FBXO34: variants seen among roughly 807,000 people sequenced by gnomAD.
FBXO34 encodes the protein F-box protein 34.
Under a neutral mutation model 24.5 loss-of-function variants are expected in FBXO34, and 12 were observed. The observed-to-expected ratio is 0.49, with a 90% CI of 0.31 to 0.79. The LOEUF (loss-of-function observed/expected upper bound fraction) is 0.79. Ranked by LOEUF, FBXO34 falls within the 30% of genes least tolerant of loss-of-function variation. FBXO34 has a pLI of 0.04. For synonymous variants in FBXO34, 320 were observed against 311.9 expected (o/e 1.03, Z -0.27); for missense variants, 823 against 857.7 (o/e 0.96, Z 0.51).
chr14:55,280,409 ACT>A (rs1376400671), intron 1 of FBXO34, among the ~76,000 whole-genome samples: 1 of 151,856 alleles, frequency 6.6e-6, no homozygotes, highest in African/African-American at 2.4e-5. Flanking sequence ...GTACAGCATA[ACT>A]CTTTACATAG....
At chr14:55,398,189 G>A in the FBXO34 span, among the ~76,000 whole-genome samples, 1 of 152,036 alleles carries the variant, frequency 6.6e-6, no homozygotes, top group East Asian at 1.9e-4. Context: ...CTGACCTGGT[G>A]GTCTGCCCGC....
the FBXO34 span, among the ~76,000 whole-genome samples, chr14:55,422,193 T>C: frequency 1.3e-5 from 2 of 152,308 alleles, no homozygotes; most frequent in Admixed American, 1.3e-4. Flanking sequence ...GTTAAGTTGG[T>C]TGGCTAGCTA....
At chr14:55,343,313 G>A (rs548698250) in intron 1 of FBXO34, among the ~76,000 whole-genome samples, 4 of 148,288 alleles carry the variant, frequency 2.7e-5, no homozygotes, top group Non-Finnish European at 4.4e-5. Flanking sequence ...GTGCAGTGAC[G>A]TGGCCTCAGC....
chr14:55,397,214 T>C, the FBXO34 span, among the ~76,000 whole-genome samples: 1 of 152,180 alleles, frequency 6.6e-6, no homozygotes, highest in Non-Finnish European at 1.5e-5. Flanking sequence ...CTTCTCCTGC[T>C]TTACCTCTCC....
the FBXO34 span, among the ~76,000 whole-genome samples, chr14:55,418,449 A>G: frequency 1.3e-5 from 2 of 152,368 alleles, no homozygotes; most frequent in Admixed American, 6.5e-5. Flanking sequence ...TCGTGTGTGT[A>G]TAAGTCAAAA....
chr14:55,425,442 T>C, the FBXO34 span, among the ~76,000 whole-genome samples: 1 of 152,250 alleles, frequency 6.6e-6, no homozygotes, highest in African/African-American at 2.4e-5. Context: ...AACTTTGGTA[T>C]GTAAATGATA....
At chr14:55,282,366 G>A (rs554464467) in intron 1 of FBXO34, 6 of 441,088 alleles carry the variant, frequency 1.4e-5, no homozygotes, top group South Asian at 8.6e-5. Flanking sequence ...GATAAGGAAG[G>A]CACCCTTGAT....
the FBXO34 span, chr14:55,411,776 C>G: frequency 6.2e-7 from 1 of 1,604,028 alleles, no homozygotes; most frequent in Non-Finnish European, 8.5e-7. Context: ...GGGCCCGCAG[C>G]CAGGAGCCTC....
downstream of FBXO34, among the ~76,000 whole-genome samples, chr14:55,365,877 A>T (rs1450207076): frequency 2.6e-5 from 4 of 152,144 alleles, no homozygotes; most frequent in African/African-American, 9.7e-5. Flanking sequence ...CACCACCTGC[A>T]GGTGGTCCTT....
downstream of FBXO34, among the ~76,000 whole-genome samples, chr14:55,372,613 C>T (rs1884844449): frequency 6.6e-6 from 1 of 151,882 alleles, no homozygotes; most frequent in African/African-American, 2.4e-5. Flanking sequence ...CTCCTTCCCT[C>T]CCTCCCTTCC....
intron 1 of FBXO34, among the ~76,000 whole-genome samples, chr14:55,294,949 C>CTT (rs1302142132): frequency 3.0e-4 from 46 of 152,154 alleles, no homozygotes; most frequent in Admixed American, 3.0e-3. Context: ...CCTAGCCTAC[C>CTT]TTAAACATTC....
the FBXO34 span, among the ~76,000 whole-genome samples, chr14:55,418,101 G>A: frequency 6.6e-6 from 1 of 152,162 alleles, no homozygotes; most frequent in African/African-American, 2.4e-5. Context: ...CCAGCTTAGG[G>A]ACATTGGCAT....
chr14:55,339,835 A>G (rs1379462071), intron 1 of FBXO34, among the ~76,000 whole-genome samples: 1 of 152,150 alleles, frequency 6.6e-6, no homozygotes, highest in Non-Finnish European at 1.5e-5. Context: ...CAGCCAGTGC[A>G]CATACTGCTA....
chr14:55,287,930 GT>G (rs1881816321), intron 1 of FBXO34, among the ~76,000 whole-genome samples: 1 of 152,184 alleles, frequency 6.6e-6, no homozygotes, highest in African/African-American at 2.4e-5. Context: ...CATCTTCATT[GT>G]TGTGTGCCTG....
At chr14:55,386,231 C>T in the FBXO34 span, 1 of 705,374 alleles carries the variant, frequency 1.4e-6, no homozygotes, top group South Asian at 2.1e-5. Flanking sequence ...ATAATGTTCA[C>T]TAAGTGGAAA....
chr14:55,290,152 G>A (rs192365393), intron 1 of FBXO34, among the ~76,000 whole-genome samples: 1 of 152,232 alleles, frequency 6.6e-6, no homozygotes, highest in Non-Finnish European at 1.5e-5. Flanking sequence ...AGCACTTTGG[G>A]AGGCTGAGGC....
downstream of FBXO34, among the ~76,000 whole-genome samples, chr14:55,362,703 C>T (rs75609779): frequency 0.014 from 2,156 of 152,298 alleles, 59 homozygotes; most frequent in African/African-American, 0.049. Flanking sequence ...AGAAGATACT[C>T]TCTGCTCCTA....
chr14:55,382,388 C>T, the FBXO34 span, among the ~76,000 whole-genome samples: 1 of 152,142 alleles, frequency 6.6e-6, no homozygotes, highest in African/African-American at 2.4e-5. Flanking sequence ...GTAATCATAG[C>T]TCACTGAAGC....
chr14:55,311,221 A>G (rs558942327), intron 1 of FBXO34, among the ~76,000 whole-genome samples: 1 of 152,316 alleles, frequency 6.6e-6, no homozygotes, highest in Non-Finnish European at 1.5e-5. Flanking sequence ...CACAGGAGGA[A>G]CTAGCAAACA....
Sources: allele counts gnomAD v4.1 joint callset (sites outside exome capture counted in the v4.1 genomes callset), GRCh38; gene constraint gnomAD v4.1.1; transcripts MANE v1.5; gene names NCBI Gene and HGNC (gene_info 2026-07-23, HGNC 2026-07-21).